GALNT18: variants seen among roughly 807,000 people sequenced by gnomAD.
The protein encoded by GALNT18 is GalNAc-transferase 18.
Under a neutral mutation model 69.5 loss-of-function variants are expected in GALNT18, and 44 were observed. The ratio of observed to expected loss-of-function variants is 0.63; its 90% CI spans 0.50 to 0.81. The LOEUF (loss-of-function observed/expected upper bound fraction) is 0.81. Among genes scored for constraint, GALNT18 ranks in the 40% least tolerant of loss-of-function variants. The probability of loss-of-function intolerance (pLI) is 0.00; values close to 1 mark genes in which losing one functional copy is unlikely to be tolerated. For synonymous variants in GALNT18, 364 were observed against 318.2 expected, an observed-to-expected ratio of 1.14 and a Z score of -1.53; for missense variants, 715 against 810.0, an observed-to-expected ratio of 0.88 and a Z score of 1.42.
intron 2 of GALNT18, among the ~76,000 whole-genome samples, chr11:11,442,444 A>T (rs4910004): frequency 0.38 from 57,457 of 151,900 alleles, 10,995 homozygotes; most frequent in East Asian, 0.59. Context: ...GGAGGCCATT[A>T]TTCTGTCTAC....
intron 3 of GALNT18, among the ~76,000 whole-genome samples, chr11:11,393,303 T>C (rs1431792546): frequency 6.6e-6 from 1 of 152,226 alleles, no homozygotes; most frequent in African/African-American, 2.4e-5. Flanking sequence ...CCACTGTCCA[T>C]GTTCCCGGGC....
In GALNT18 at chr11:11,351,825, C is replaced by G. The variant is rs1318477217; in HGVS notation, c.1093-10821G>C. The G allele has an allele frequency of 3.6e-6, 3 of 822,996 alleles. No homozygotes were observed. The African/African-American group carries it at 5.2e-5, about 14-fold the overall frequency. The allele number at this position is 822,996 out of a possible 1,614,324, so 51.0% of individuals were successfully genotyped here. ...GACTGAACTACTATAAATCCACAAG[C>G]AACGGTTCAGACACGTTGCTTCTGA... On this transcript the variant is annotated intron_variant, in intron 6 of 10. Transcript: ENST00000227756.
intron 10 of GALNT18, among the ~76,000 whole-genome samples, chr11:11,280,086 G>A (rs540367422): frequency 1.8e-3 from 277 of 152,196 alleles, no homozygotes; most frequent in Non-Finnish European, 2.9e-3. Context: ...AACCTATTCA[G>A]AAGCATTCAC....
At position 11,435,759 on chromosome 11, in the gene GALNT18, C is replaced by G. The variant is rs1010896074; in HGVS notation, c.429-2972G>C. ...CAGACTGCTCCTTTTTCTTACAAACCTCCTCCCTTGGAAGGAGAGTCAGGT... is the reference window on the plus strand; with the variant it reads ...CAGACTGCTCCTTTTTCTTACAAACGTCCTCCCTTGGAAGGAGAGTCAGGT... On this transcript the variant is annotated intron_variant, in intron 2 of 10. Transcript: ENST00000227756. The surrounding 1 kb of genome is among the most constrained non-coding windows in gnomAD (Gnocchi z 4.4). 1.3e-5 allele frequency among the ~76,000 whole-genome samples: 2 copies of G among 152,124 alleles called. No individual in the cohort carries two copies. Among genetic ancestry groups the G allele is most frequent in the African/African-American group, 4.8e-5 (2 of 41,416 alleles).
At chr11:11,448,977 C>A (rs761174831) in intron 1 of GALNT18, 41 bp from the exon 2 acceptor site, 13 of 1,446,282 alleles carry the variant, frequency 9.0e-6, no homozygotes, top group Non-Finnish European at 1.2e-5. Flanking sequence ...TCAGAGTGCA[C>A]CCCTGCATGT....
At chr11:11,385,585 A>G (rs187243209) in intron 3 of GALNT18, among the ~76,000 whole-genome samples, 2,330 of 152,128 alleles carry the variant, frequency 0.015, 38 homozygotes, top group African/African-American at 0.04. Flanking sequence ...GTGAGCCACC[A>G]TGCCCGGCCT....
chr11:11,368,107 T>G (rs1453653266), intron 6 of GALNT18, among the ~76,000 whole-genome samples: 2 of 152,216 alleles, frequency 1.3e-5, no homozygotes, highest in African/African-American at 4.8e-5. Flanking sequence ...GACAATTATT[T>G]TCTCTCAGTG....
At chr11:11,305,538 C>T (rs762568482) in intron 9 of GALNT18, among the ~76,000 whole-genome samples, 6 of 152,142 alleles carry the variant, frequency 3.9e-5, no homozygotes, top group Non-Finnish European at 7.3e-5. Flanking sequence ...AAGACTGAGT[C>T]GGGATCCAAA....
intron 1 of GALNT18, among the ~76,000 whole-genome samples, chr11:11,588,252 G>GGATTACT (rs1195670198): frequency 6.6e-6 from 1 of 152,038 alleles, no homozygotes; most frequent in African/African-American, 2.4e-5. Context: ...TTCTGTCCAT[G>GGATTACT]TCTCCACTCC....
chr11:11,316,015 A>G (rs1392516561), intron 9 of GALNT18, among the ~76,000 whole-genome samples: 1 of 152,238 alleles, frequency 6.6e-6, no homozygotes, highest in East Asian at 1.9e-4. Flanking sequence ...GACAGCTCAG[A>G]GGACAATAAA....
At position 11,271,043 on chromosome 11, in the gene GALNT18, C is replaced by T; in HGVS notation, c.*101G>A. The T allele has an allele frequency of 7.2e-6, 8 of 1,113,888 alleles. No individual in the cohort carries two copies. Among genetic ancestry groups the T allele is most frequent in the Non-Finnish European group, 1.0e-5 (8 of 794,046 alleles). 69.0% of individuals were successfully genotyped at this position (1,113,888 alleles called of 1,614,324 possible). On this transcript the variant is annotated 3_prime_UTR_variant, in exon 11 of 11. Transcript: ENST00000227756. ...AAAGCTCTTCTTGGGGGCCCACTAA[C>T]CTGGTTCCCCAGACTCCAAACAACC...
At chr11:11,357,382 T>C (rs868448445) in intron 6 of GALNT18, among the ~76,000 whole-genome samples, 45 of 152,252 alleles carry the variant, frequency 3.0e-4, no homozygotes, top group African/African-American at 1.1e-3. Flanking sequence ...CCTCCCTTTC[T>C]GGTCAAATAC....
chr11:11,577,703 G>A (rs1315519085), intron 1 of GALNT18, among the ~76,000 whole-genome samples: 1 of 152,172 alleles, frequency 6.6e-6, no homozygotes, highest in Non-Finnish European at 1.5e-5. Flanking sequence ...TAGGAAAGAG[G>A]GAAGCTCTCA....
rs1235960967 is a variant in GALNT18, at chr11:11,620,003, G to C, written c.235+1356C>G. Among the ~76,000 whole-genome samples, 1 of 152,130 alleles carries C rather than the reference G, an allele frequency of 6.6e-6. No individual in the cohort carries two copies. Among genetic ancestry groups the C allele is most frequent in the Non-Finnish European group, 1.5e-5 (1 of 68,032 alleles). Reference sequence around the variant, plus strand: ...AACCTCCCTGAACCTTCCCCTCCTGGAAAGGAACTATTCTGGACACCTGGG... The same window carrying C: ...AACCTCCCTGAACCTTCCCCTCCTGCAAAGGAACTATTCTGGACACCTGGG... On this transcript the variant is annotated intron_variant, in intron 1 of 10. Coordinates refer to ENST00000227756, the MANE Select transcript of GALNT18 (RefSeq NM_198516.3). This position sits in a 1 kb window ranked among gnomAD's most constrained non-coding sequence, Gnocchi z 6.9.
Position 11,621,279 on chromosome 11 carries a change from G to GCAC in GALNT18, c.235+77_235+79dup, listed in dbSNP as rs1860184837. On this transcript the variant is annotated intron_variant, in intron 1 of 10. Transcript: ENST00000227756. This position sits in a 1 kb window ranked among gnomAD's most constrained non-coding sequence, Gnocchi z 9.3. Reference sequence around the variant, plus strand: ...AGCCCCGCCGTGGCTGAGTTGATGCGCACCAGCCCCAGCGCACCCCGCGCC... The same window carrying GCAC: ...AGCCCCGCCGTGGCTGAGTTGATGCGCACCACCAGCCCCAGCGCACCCCGCGCC... 5.2e-5 allele frequency: 61 copies of GCAC among 1,183,024 alleles called. 1 individual carries two copies. The South Asian group carries it at 8.1e-4, about 16-fold the overall frequency. The allele number at this position is 1,183,024 out of a possible 1,614,324, so 73.3% of individuals were successfully genotyped here. A position where few individuals can be genotyped will look rare whatever the true frequency, so the allele number is the denominator to read the frequency against.
At chr11:11,373,191 T>TA (rs1174899836) in intron 5 of GALNT18, among the ~76,000 whole-genome samples, 2 of 151,928 alleles carry the variant, frequency 1.3e-5, no homozygotes, top group African/African-American at 4.8e-5. Flanking sequence ...TTCAAAAGAA[T>TA]AGTTAGGCAG....
At chr11:11,506,892 C>G (rs1857078465) in intron 1 of GALNT18, among the ~76,000 whole-genome samples, 1 of 152,158 alleles carries the variant, frequency 6.6e-6, no homozygotes, top group Non-Finnish European at 1.5e-5. Flanking sequence ...AATCCTATGT[C>G]CCTTCCCAAA....
At chr11:11,344,691 C>T (rs10741546) in intron 6 of GALNT18, among the ~76,000 whole-genome samples, 130,190 of 152,224 alleles carry the variant, frequency 0.86, 59,297 homozygotes, top group East Asian at 1. Context: ...GCCTCATTTC[C>T]GCCCTGTGGG....
chr11:11,317,837 A>G (rs1849783263), intron 9 of GALNT18, among the ~76,000 whole-genome samples: 1 of 152,212 alleles, frequency 6.6e-6, no homozygotes, highest in Non-Finnish European at 1.5e-5. Flanking sequence ...ACAATCTATC[A>G]TATGTTTGAT....
Sources: gnomAD v4.1 joint callset for allele counts (sites outside exome capture counted in the v4.1 genomes callset) on GRCh38, gnomAD v4.1.1 for gene constraint, Gnocchi (gnomAD v3.1) non-coding constraint, MANE v1.5 for transcripts, NCBI Gene and HGNC (gene_info 2026-07-23, HGNC 2026-07-21) for gene names.